SLC1A1: variants seen among roughly 807,000 people sequenced by gnomAD.
SLC1A1 encodes solute carrier family 1 member 1, also known as excitatory amino acid transporter 3.
SLC1A1 carries 43 observed loss-of-function variants against 53.3 expected under a neutral mutation model. The observed-to-expected ratio is 0.81, with a 90% CI of 0.63 to 1.04. The LOEUF is 1.04. SLC1A1 is among the 50% of genes least tolerant of loss of function. The probability of loss-of-function intolerance (pLI) is 0.00; values close to 1 mark genes in which losing one functional copy is unlikely to be tolerated. For synonymous variants in SLC1A1, 307 were observed against 243.2 expected (o/e 1.26, Z -2.44); for missense variants, 748 against 664.9 (o/e 1.12, Z -1.37).
chr9:4,577,103 T>G (rs1461217726), intron 10 of SLC1A1, among the ~76,000 whole-genome samples: 1 of 152,082 alleles, frequency 6.6e-6, no homozygotes, highest in Non-Finnish European at 1.5e-5. Flanking sequence ...CTGAAGACCA[T>G]GATGAGGGAT....
chr9:4,504,698 G>T (rs1457770158), intron 1 of SLC1A1, among the ~76,000 whole-genome samples: 1 of 152,150 alleles, frequency 6.6e-6, no homozygotes, highest in Non-Finnish European at 1.5e-5. Flanking sequence ...GGGTTTGAAA[G>T]ATTTTTGATT....
chr9:4,509,028 C>G (rs780679781), intron 1 of SLC1A1, among the ~76,000 whole-genome samples: 46 of 152,000 alleles, frequency 3.0e-4, no homozygotes, highest in Non-Finnish European at 5.4e-4. Flanking sequence ...TTCTTTCCAC[C>G]TGAGAAGACA....
At chr9:4,491,296 C>A (rs1208610651) in intron 1 of SLC1A1, among the ~76,000 whole-genome samples, 4 of 152,168 alleles carry the variant, frequency 2.6e-5, no homozygotes, top group Non-Finnish European at 5.9e-5. Context: ...TCATCCTGGG[C>A]AGTGCGTGGA....
chr9:4,492,888 G>C (rs1820286369), intron 1 of SLC1A1, among the ~76,000 whole-genome samples: 1 of 152,066 alleles, frequency 6.6e-6, no homozygotes, highest in Non-Finnish European at 1.5e-5. Context: ...TGCCTTTTCA[G>C]CATGGGGCTC....
intron 1 of SLC1A1, among the ~76,000 whole-genome samples, chr9:4,534,330 G>A (rs1337814814): frequency 1.3e-5 from 2 of 151,986 alleles, no homozygotes; most frequent in Non-Finnish European, 2.9e-5. Flanking sequence ...TAATAAAGAA[G>A]AAAAGAGAGA....
chr9:4,576,847 T>G, intron 10 of SLC1A1, 84 bp downstream of exon 10: 3 of 1,243,826 alleles, frequency 2.4e-6, no homozygotes, highest in Non-Finnish European at 3.6e-6. Context: ...ACACCAAGAA[T>G]GTCGCAGTGA....
intron 1 of SLC1A1, among the ~76,000 whole-genome samples, chr9:4,530,106 C>T (rs531077545): frequency 6.6e-6 from 1 of 152,004 alleles, no homozygotes; most frequent in African/African-American, 2.4e-5. Flanking sequence ...CCTTATTTTT[C>T]TCTTATTTTT....
chr9:4,544,481 C>A lies in SLC1A1; in HGVS notation c.92-86C>A. The A allele has an allele frequency of 3.5e-6, 4 of 1,155,096 alleles. No homozygotes were observed. The Admixed American group carries it at 6.7e-5, about 19-fold the overall frequency. The allele number at this position is 1,155,096 out of a possible 1,614,324, so 71.6% of individuals were successfully genotyped here. A position where few individuals can be genotyped will look rare whatever the true frequency, so the allele number is the denominator to read the frequency against. ...CTATTTTTCTTGCCATTAAAATGTG[C>A]ATTTGGGAGTATTTTTCCATAGACA... On this transcript the variant is annotated intron_variant, in intron 1 of 11. Coordinates refer to ENST00000262352, the MANE Select transcript of SLC1A1 (RefSeq NM_004170.6).
At chr9:4,515,708 C>G (rs1042338194) in intron 1 of SLC1A1, among the ~76,000 whole-genome samples, 2 of 152,212 alleles carry the variant, frequency 1.3e-5, no homozygotes, top group Non-Finnish European at 2.9e-5. Context: ...CAGTCTGAGA[C>G]TTCTCTGGGA....
At chr9:4,566,702 A>T (rs1012536033) in intron 5 of SLC1A1, among the ~76,000 whole-genome samples, 1 of 152,320 alleles carries the variant, frequency 6.6e-6, no homozygotes, top group Non-Finnish European at 1.5e-5. Context: ...TAATTTAAAA[A>T]AAAATATAAA....
At chr9:4,500,118 G>A (rs1820581531) in intron 1 of SLC1A1, among the ~76,000 whole-genome samples, 2 of 152,168 alleles carry the variant, frequency 1.3e-5, no homozygotes, top group African/African-American at 4.8e-5. Flanking sequence ...CTGGCCTGGT[G>A]CCAGGGAAGC....
chr9:4,515,410 G>A lies in SLC1A1; in HGVS notation c.91+24640G>A, dbSNP rs535652117. On this transcript the variant is annotated intron_variant, in intron 1 of 11. Transcript: ENST00000262352. Reference sequence around the variant, plus strand: ...GGTTTTCTGAAGGGAGGATAGATACGTTTATTTTTCCTTTGTTGGGTCTCA... The same window carrying A: ...GGTTTTCTGAAGGGAGGATAGATACATTTATTTTTCCTTTGTTGGGTCTCA... Among the ~76,000 whole-genome samples the A allele has an allele frequency of 4.3e-4, 65 of 152,250 alleles. 1 individual carries two copies. In the South Asian group the frequency reaches 0.011, roughly 25 times the overall value.
chr9:4,492,761 A>C (rs1273484656), intron 1 of SLC1A1, among the ~76,000 whole-genome samples: 1 of 151,706 alleles, frequency 6.6e-6, no homozygotes, highest in Non-Finnish European at 1.5e-5. Flanking sequence ...GTGACTCTGC[A>C]CTCCAGCCTG....
intron 5 of SLC1A1, among the ~76,000 whole-genome samples, chr9:4,566,993 C>T (rs534888801): frequency 1.3e-5 from 2 of 152,268 alleles, no homozygotes; most frequent in Admixed American, 1.3e-4. Context: ...TTACAGGGGG[C>T]CTTTGCAGAT....
chr9:4,561,250 C>T (rs556549292), intron 2 of SLC1A1, among the ~76,000 whole-genome samples, 199 bp from the exon 3 acceptor site: 54 of 152,316 alleles, frequency 3.5e-4, no homozygotes, highest in African/African-American at 1.3e-3. Context: ...TGCAGGGGAA[C>T]TTGCACCTGA....
At chr9:4,538,017 A>T (rs1003427452) in intron 1 of SLC1A1, among the ~76,000 whole-genome samples, 8 of 152,226 alleles carry the variant, frequency 5.3e-5, no homozygotes, top group African/African-American at 1.9e-4. Flanking sequence ...TAATTTTTTA[A>T]ATTATAAGAG....
At chr9:4,493,971 C>T (rs1019769795) in intron 1 of SLC1A1, among the ~76,000 whole-genome samples, 1 of 152,174 alleles carries the variant, frequency 6.6e-6, no homozygotes, top group African/African-American at 2.4e-5. Flanking sequence ...CTAAACATTT[C>T]TCAAATTCTT....
At chr9:4,498,814 A>C (rs991384878) in intron 1 of SLC1A1, among the ~76,000 whole-genome samples, 4 of 150,068 alleles carry the variant, frequency 2.7e-5, no homozygotes, top group African/African-American at 9.8e-5. Flanking sequence ...AAAAATATAT[A>C]TATATGTGTG....
intron 5 of SLC1A1, 91 bp from the exon 6 acceptor site, chr9:4,567,578 G>C: frequency 1.2e-6 from 1 of 813,444 alleles, no homozygotes; most frequent in South Asian, 1.5e-5. Flanking sequence ...GCACTGTTTG[G>C]CCAAAATAAC....
Sources: allele counts gnomAD v4.1 joint callset (sites outside exome capture counted in the v4.1 genomes callset), GRCh38; gene constraint gnomAD v4.1.1; transcripts MANE v1.5; gene names NCBI Gene and HGNC (gene_info 2026-07-23, HGNC 2026-07-21).